The following PTCHD4 variants were observed in gnomAD, a reference collection of about 807,000 sequenced individuals.
PTCHD4 encodes the protein patched domain containing 4, also known as patched domain-containing protein 4.
PTCHD4 carries 33 observed loss-of-function variants against 58.1 expected under a neutral mutation model. The observed-to-expected ratio is 0.57, with a 90% CI of 0.43 to 0.76. PTCHD4 has a LOEUF of 0.76. PTCHD4 is among the 30% of genes least tolerant of loss of function. The probability of loss-of-function intolerance (pLI) is 0.00; values close to 1 mark genes in which losing one functional copy is unlikely to be tolerated. For synonymous variants in PTCHD4, 478 were observed against 409.6 expected (o/e 1.17, Z -2.02); for missense variants, 1,058 against 1,027.1 (o/e 1.03, Z -0.41).
At chr6:48,062,323 G>A (rs1764658654) in intron 3 of PTCHD4, among the ~76,000 whole-genome samples, 1 of 151,972 alleles carries the variant, frequency 6.6e-6, no homozygotes, top group Admixed American at 6.6e-5. Context: ...TCATGATGTG[G>A]GTATGTCTTT....
chr6:48,016,857 T>C (rs1438095413), intron 3 of PTCHD4, among the ~76,000 whole-genome samples: 1 of 152,212 alleles, frequency 6.6e-6, no homozygotes, highest in Non-Finnish European at 1.5e-5. Context: ...GGTTTGAAAC[T>C]ATAGGAGAGC....
In PTCHD4 at chr6:47,859,201, A is replaced by G. The variant is rs1763363461; in HGVS notation, c.*19102T>C. ...TAAGCCTGAGAAGCAGCAGGCTACC[A>G]ATTGCTCCCATTTAAGGATGTGGCT... On this transcript the variant is annotated 3_prime_UTR_variant, in exon 5 of 5. Transcript: ENST00000339488. Among the ~76,000 whole-genome samples the G allele has an allele frequency of 6.6e-6, 1 of 152,016 alleles. No homozygotes were observed. Among genetic ancestry groups the G allele is most frequent in the Admixed American group, 6.6e-5 (1 of 15,236 alleles).
At chr6:47,922,990 C>A (rs370896251) in intron 4 of PTCHD4, among the ~76,000 whole-genome samples, 4 of 151,996 alleles carry the variant, frequency 2.6e-5, no homozygotes, top group Admixed American at 6.6e-5. Flanking sequence ...CTTTTTGGAG[C>A]CTTTGGTACA....
intron 3 of PTCHD4, among the ~76,000 whole-genome samples, chr6:48,038,041 G>A (rs1294104190): frequency 6.6e-6 from 1 of 151,648 alleles, no homozygotes; most frequent in Non-Finnish European, 1.5e-5. Context: ...CTCGGTGGCT[G>A]ACCAAAAAGA....
chr6:47,891,221 C>CA (rs35503136), intron 4 of PTCHD4, among the ~76,000 whole-genome samples: 2,334 of 83,208 alleles, frequency 0.028, 134 homozygotes, highest in African/African-American at 0.11. Flanking sequence ...GACTGTGTCT[C>CA]AAAAAAAAAA....
At chr6:47,963,448 A>G (rs1767173629) in intron 4 of PTCHD4, among the ~76,000 whole-genome samples, 1 of 152,226 alleles carries the variant, frequency 6.6e-6, no homozygotes, top group Non-Finnish European at 1.5e-5. Context: ...AATTAAAAAT[A>G]GAACTACTAT....
chr6:47,910,400 T>C (rs1765032919), intron 4 of PTCHD4, among the ~76,000 whole-genome samples: 2 of 152,142 alleles, frequency 1.3e-5, no homozygotes, highest in Admixed American at 6.5e-5. Flanking sequence ...CATATTACTT[T>C]GCATATTTCT....
At chr6:47,952,049 G>C (rs1475287142) in intron 4 of PTCHD4, among the ~76,000 whole-genome samples, 1 of 152,030 alleles carries the variant, frequency 6.6e-6, no homozygotes, top group African/African-American at 2.4e-5. Context: ...ATATAGGAGA[G>C]GACGGCTCAG....
rs143783050 is a variant in PTCHD4, at chr6:47,976,154, G to T, written c.898+32480C>A. ...CCCTTGAAAAGCCCTCATTAGGTAT[G>T]ATTTAGCAGCTAGAAAATCAATACT... On this transcript the variant is annotated intron_variant, in intron 4 of 4. Coordinates refer to ENST00000339488, the MANE Select transcript of PTCHD4 (RefSeq NM_001384253.1). Among the ~76,000 whole-genome samples, 716 of 152,274 alleles carry T rather than the reference G, an allele frequency of 4.7e-3. 3 individuals are homozygous for T. Among genetic ancestry groups the T allele is most frequent in the African/African-American group, 0.016 (645 of 41,552 alleles).
intron 3 of PTCHD4, among the ~76,000 whole-genome samples, chr6:48,031,029 C>T (rs562700695): frequency 4.9e-4 from 75 of 152,110 alleles, no homozygotes; most frequent in African/African-American, 5.8e-4. Context: ...GAACAAAAGG[C>T]GAAACTGACA....
At chr6:47,927,054 T>C (rs2113897460) in intron 4 of PTCHD4, among the ~76,000 whole-genome samples, 1 of 152,212 alleles carries the variant, frequency 6.6e-6, no homozygotes, top group African/African-American at 2.4e-5. Flanking sequence ...GAAGAGGCTG[T>C]ACCCACTCAA....
At chr6:47,949,883 T>C (rs913196008) in intron 4 of PTCHD4, among the ~76,000 whole-genome samples, 22 of 151,934 alleles carry the variant, frequency 1.4e-4, no homozygotes. Flanking sequence ...TTTTTTTTAA[T>C]TTTATTATTA....
At chr6:48,013,935 A>T (rs139121263) in intron 3 of PTCHD4, among the ~76,000 whole-genome samples, 13 of 152,244 alleles carry the variant, frequency 8.5e-5, no homozygotes, top group African/African-American at 3.1e-4. Flanking sequence ...CAAAAGACAA[A>T]ATTTTAAAGA....
chr6:47,885,313 C>T (rs1421127579), intron 4 of PTCHD4, among the ~76,000 whole-genome samples: 2 of 152,020 alleles, frequency 1.3e-5, no homozygotes. Flanking sequence ...TGATGGGATG[C>T]TGATGGGGAG....
chr6:48,081,661 A>G (rs1302045021), intron 1 of PTCHD4, among the ~76,000 whole-genome samples: 1 of 152,364 alleles, frequency 6.6e-6, no homozygotes, highest in African/African-American at 2.4e-5. Context: ...AAGGAAGTAC[A>G]TAATTGCTTG....
At chr6:47,973,944 T>C (rs1767603324) in intron 4 of PTCHD4, among the ~76,000 whole-genome samples, 1 of 152,184 alleles carries the variant, frequency 6.6e-6, no homozygotes, top group African/African-American at 2.4e-5. Flanking sequence ...TCAAAGCTAT[T>C]GCCAGCAATT....
At chr6:47,901,387 C>G in intron 4 of PTCHD4, 4 of 942,586 alleles carry the variant, frequency 4.2e-6, no homozygotes, top group Non-Finnish European at 5.1e-6. Context: ...GTGTTCATTA[C>G]TCTTTCCTTT....
chr6:48,016,402 A>G (rs187230037), intron 3 of PTCHD4, among the ~76,000 whole-genome samples: 4 of 152,154 alleles, frequency 2.6e-5, no homozygotes, highest in Admixed American at 2.6e-4. Context: ...CTCTCATTGC[A>G]CTGTGGAAAA....
intron 4 of PTCHD4, among the ~76,000 whole-genome samples, chr6:47,932,132 A>C (rs1310728084): frequency 6.6e-6 from 1 of 152,188 alleles, no homozygotes; most frequent in Non-Finnish European, 1.5e-5. Context: ...CTCTCCACTG[A>C]AGAATCCCCA....
Sources: allele counts gnomAD v4.1 joint callset (sites outside exome capture counted in the v4.1 genomes callset), GRCh38; gene constraint gnomAD v4.1.1; transcripts MANE v1.5; gene names NCBI Gene and HGNC (gene_info 2026-07-23, HGNC 2026-07-21).